The following UPP2 variants were observed in gnomAD, a reference collection of about 807,000 sequenced individuals.
UPP2 encodes the protein UPase 2.
A neutral mutation model predicts 26.7 loss-of-function variants in UPP2; 23 were observed. The observed-to-expected ratio is 0.86, with a 90% CI of 0.62 to 1.22. The LOEUF is 1.22. Ranked by LOEUF, UPP2 falls within the 50% of genes most tolerant of loss-of-function variation. UPP2 has a pLI of 0.00. For synonymous variants in UPP2, 127 were observed against 141.3 expected, an observed-to-expected ratio of 0.90 and a Z score of 0.72; for missense variants, 387 against 396.7, an observed-to-expected ratio of 0.98 and a Z score of 0.21.
intron 2 of UPP2, among the ~76,000 whole-genome samples, chr2:158,001,957 CAAAAA>C (rs200818827): frequency 4.6e-5 from 3 of 65,486 alleles, no homozygotes; most frequent in Non-Finnish European, 6.2e-5. Context: ...GAATGAGCAC[CAAAAA>C]AAAAAAAAAA....
chr2:158,077,984 C>T (rs1682657073), intron 3 of UPP2, among the ~76,000 whole-genome samples: 1 of 151,946 alleles, frequency 6.6e-6, no homozygotes, highest in Non-Finnish European at 1.5e-5. Context: ...TCTAAATGGA[C>T]ATTTCGCAAA....
At chr2:158,076,549 A>G (rs1682633638) in intron 3 of UPP2, among the ~76,000 whole-genome samples, 1 of 152,112 alleles carries the variant, frequency 6.6e-6, no homozygotes, top group Non-Finnish European at 1.5e-5. Context: ...CATCATATCA[A>G]CAGAATGAAG....
At chr2:158,114,784 GCTGT>G (rs1265619982) in intron 2 of UPP2, among the ~76,000 whole-genome samples, 1 of 152,118 alleles carries the variant, frequency 6.6e-6, no homozygotes, top group Non-Finnish European at 1.5e-5. Flanking sequence ...TCAACAATAG[GCTGT>G]CTATGTCAAT....
At position 158,117,925 on chromosome 2, in the gene UPP2, A is replaced by G; in HGVS notation, c.441A>G (p.Thr147=). The G allele has an allele frequency of 6.2e-7, 1 of 1,609,942 alleles. No homozygotes were observed. The highest frequency in any genetic ancestry group is 8.5e-7 in the Non-Finnish European group (1 of 1,176,188). ...CCDVTIIRIG[T]SGGIGIAPGT... is the part of the protein sequence containing the mutation. ...ATGTCACCATTATTAGAATCGGTAC[A>G]TCAGGGGGAATAGGTGAGACGGATT... The change falls in exon 4 of 7, where the codon ACA becomes ACG. Residue 147 remains threonine, a synonymous_variant. Coordinates refer to ENST00000005756, the MANE Select transcript of UPP2 (RefSeq NM_173355.4).
chr2:158,011,879 G>A (rs191265908), intron 2 of UPP2, among the ~76,000 whole-genome samples: 29 of 152,290 alleles, frequency 1.9e-4, no homozygotes, highest in African/African-American at 7.0e-4. Flanking sequence ...GGGGATAGGG[G>A]TGTGTTTGCT....
chr2:158,007,612 C>T (rs957464505), intron 2 of UPP2, among the ~76,000 whole-genome samples: 6 of 151,006 alleles, frequency 4.0e-5, no homozygotes, highest in Admixed American at 2.0e-4. Flanking sequence ...GGGTTTTTCA[C>T]GTATTTCTCT....
chr2:158,015,999 T>G (rs1008960765), intron 3 of UPP2: 1 of 279,352 alleles, frequency 3.6e-6, no homozygotes, highest in Non-Finnish European at 7.1e-6. Flanking sequence ...CTGGGTCATA[T>G]GGTAATTCTA....
At chr2:158,104,617 A>G (rs1683141853) in intron 1 of UPP2, among the ~76,000 whole-genome samples, 1 of 152,028 alleles carries the variant, frequency 6.6e-6, no homozygotes, top group Non-Finnish European at 1.5e-5. Context: ...TTTGAGGTGT[A>G]TGGAATGAAA....
intron 3 of UPP2, among the ~76,000 whole-genome samples, chr2:158,041,187 T>G (rs1046473915): frequency 6.6e-6 from 1 of 151,782 alleles, no homozygotes; most frequent in African/African-American, 2.4e-5. Context: ...ACAAGAAGCA[T>G]TTTTTTTACA....
chr2:157,996,845 G>C (rs1455870839), intron 2 of UPP2, among the ~76,000 whole-genome samples: 1 of 152,086 alleles, frequency 6.6e-6, no homozygotes, highest in Non-Finnish European at 1.5e-5. Flanking sequence ...GTAATTTTAG[G>C]GCAACATGAC....
At chr2:158,039,186 C>T (rs1684049568) in intron 3 of UPP2, among the ~76,000 whole-genome samples, 1 of 152,132 alleles carries the variant, frequency 6.6e-6, no homozygotes, top group Non-Finnish European at 1.5e-5. Flanking sequence ...TGGGTGTACC[C>T]TAGGTCAGCT....
At chr2:158,091,386 CTA>C (rs1682909509) in intron 3 of UPP2, among the ~76,000 whole-genome samples, 2 of 152,136 alleles carry the variant, frequency 1.3e-5, no homozygotes, top group African/African-American at 4.8e-5. Flanking sequence ...TATAAAATAT[CTA>C]TGTTTAAAAT....
intron 3 of UPP2, among the ~76,000 whole-genome samples, chr2:158,073,172 G>GA (rs1264708375): frequency 1.3e-5 from 2 of 152,046 alleles, no homozygotes; most frequent in Non-Finnish European, 2.9e-5. Context: ...CTCTGGAGCT[G>GA]AAAAATGCAA....
chr2:158,106,317 C>T, intron 2 of UPP2, 101 bp downstream of exon 2: 1 of 942,410 alleles, frequency 1.1e-6, no homozygotes, highest in Non-Finnish European at 1.6e-6. Flanking sequence ...CTAGCACAGT[C>T]CCAATAGGAA....
At chr2:158,072,296 C>T (rs995128982) in intron 3 of UPP2, among the ~76,000 whole-genome samples, 2 of 151,974 alleles carry the variant, frequency 1.3e-5, no homozygotes, top group Non-Finnish European at 2.9e-5. Context: ...GGTTTGAGGG[C>T]CAGCTTAACC....
chr2:158,026,626 C>T lies in UPP2; in HGVS notation c.147+10740C>T, dbSNP rs537580942. Among the ~76,000 whole-genome samples, 225 of 152,226 alleles carry T rather than the reference C, an allele frequency of 1.5e-3. No homozygotes were observed. The Middle Eastern group carries it at 0.017, about 12-fold the overall frequency. On this transcript the variant is annotated intron_variant, in intron 3 of 9. Coordinates refer to the UPP2 transcript ENST00000605860. ...TTTTTCCATGACATTACCTGTGGCT[C>T]CAGGAGAGTGGCTTCCCAAAGTTGG...
At chr2:158,071,292 T>G (rs1682535405) in intron 3 of UPP2, among the ~76,000 whole-genome samples, 1 of 152,100 alleles carries the variant, frequency 6.6e-6, no homozygotes, top group Admixed American at 6.5e-5. Context: ...CGGTGGCTCA[T>G]GCCTGTAATC....
At chr2:158,107,519 A>C (rs1191122342) in intron 2 of UPP2, among the ~76,000 whole-genome samples, 1 of 152,154 alleles carries the variant, frequency 6.6e-6, no homozygotes, top group African/African-American at 2.4e-5. Context: ...TTTGAGTCAC[A>C]GTAACTCAGG....
At chr2:158,118,327 A>G (rs1369360878) in intron 4 of UPP2, among the ~76,000 whole-genome samples, 1 of 151,962 alleles carries the variant, frequency 6.6e-6, no homozygotes, top group African/African-American at 2.4e-5. Flanking sequence ...TTTATCAGCT[A>G]AGTGAGCAAA....
Sources: gnomAD v4.1 joint callset for allele counts (sites outside exome capture counted in the v4.1 genomes callset) on GRCh38, gnomAD v4.1.1 for gene constraint, MANE v1.5 for transcripts, NCBI Gene and HGNC (gene_info 2026-07-23, HGNC 2026-07-21) for gene names.